The following INSC variants were observed in gnomAD, a reference collection of about 807,000 sequenced individuals.
INSC encodes the protein protein inscuteable homolog.
Under a neutral mutation model 58.6 loss-of-function variants are expected in INSC, and 67 were observed. The ratio of observed to expected loss-of-function variants is 1.14; its 90% confidence interval spans 0.94 to 1.40. The LOEUF (loss-of-function observed/expected upper bound fraction) is 1.40, where lower values mean the gene tolerates loss of function less well. Ranked by LOEUF, INSC falls within the 40% of genes most tolerant of loss-of-function variation. The pLI, the probability that INSC is intolerant of heterozygous loss-of-function variation, is 0.00. For missense variants in INSC, 714 were observed against 692.0 expected (o/e 1.03, Z -0.36); for synonymous variants, 262 against 276.1 (o/e 0.95, Z 0.51).
At chr11:15,205,094 C>T (rs1564902270) in intron 7 of INSC, among the ~76,000 whole-genome samples, 1 of 152,184 alleles carries the variant, frequency 6.6e-6, no homozygotes. Context: ...GCCAGTCAGT[C>T]ATTCACTTAC....
At chr11:15,172,563 A>AG (rs1849436970) in intron 2 of INSC, among the ~76,000 whole-genome samples, 1 of 152,208 alleles carries the variant, frequency 6.6e-6, no homozygotes, top group Non-Finnish European at 1.5e-5. Flanking sequence ...AGAGGCCCTG[A>AG]GGGGGAACTC....
intron 1 of INSC, among the ~76,000 whole-genome samples, chr11:15,138,024 C>T (rs1394992658): frequency 2.0e-5 from 3 of 152,112 alleles, no homozygotes; most frequent in Non-Finnish European, 4.4e-5. Context: ...GGGTTTGTAA[C>T]TGGCCAGATT....
At chr11:15,118,388 A>G (rs543526497) in intron 1 of INSC, among the ~76,000 whole-genome samples, 2 of 152,348 alleles carry the variant, frequency 1.3e-5, no homozygotes, top group Admixed American at 6.5e-5. Context: ...ATGTTTGGAA[A>G]GGAGAAAGCT....
Position 15,240,503 on chromosome 11 carries a change from G to C in INSC, c.1450G>C (p.Ala484Pro). The C allele has an allele frequency of 6.2e-7, 1 of 1,613,656 alleles. No homozygotes were observed. The highest frequency in any genetic ancestry group is 8.5e-7 in the Non-Finnish European group (1 of 1,179,852). ...RSPSERNSSD[A>P]VLVACLAALR... ...CCCATCAGAGAGGAACAGCAGTGAC[G>C]CCGTGCTTGTGGCCTGCCTGGTGAG... The change falls in exon 12 of 13, where the codon GCC becomes CCC. Residue 484 changes from alanine to proline, a missense_variant. Physicochemically the swap from Ala to Pro is conservative, Grantham distance 27. Transcript: ENST00000379556.
At chr11:15,232,817 C>T (rs1167181237) in intron 9 of INSC, among the ~76,000 whole-genome samples, 1 of 152,104 alleles carries the variant, frequency 6.6e-6, no homozygotes, top group Admixed American at 6.5e-5. Context: ...GATATACTCC[C>T]CTGAGCCAAA....
chr11:15,148,403 G>C (rs1848548328), intron 1 of INSC, among the ~76,000 whole-genome samples: 2 of 152,182 alleles, frequency 1.3e-5, no homozygotes, highest in Admixed American at 1.3e-4. Flanking sequence ...TTGCAAGATG[G>C]TCTGTAGCAA....
upstream of INSC, chr11:15,112,701 C>T (rs1237795916): frequency 3.5e-6 from 2 of 569,886 alleles, no homozygotes; most frequent in South Asian, 7.7e-5. Context: ...CAAACCAAGT[C>T]TGTTCCTCTC....
At position 15,232,664 on chromosome 11, in the gene INSC, C is replaced by G. The variant is rs183477524; in HGVS notation, c.1171-2938C>G. Among the ~76,000 whole-genome samples, 3 of 152,040 alleles carry G rather than the reference C, an allele frequency of 2.0e-5. No homozygotes were observed. The East Asian group carries it at 5.8e-4, about 29-fold the overall frequency. Reference sequence around the variant, plus strand: ...TATAGCGACACGGGTTTTCTAGATGCGATTGAGTTAAGATCTTGACATAGG... The same window carrying G: ...TATAGCGACACGGGTTTTCTAGATGGGATTGAGTTAAGATCTTGACATAGG... On this transcript the variant is annotated intron_variant, in intron 9 of 12. Coordinates refer to ENST00000379556, the MANE Select transcript of INSC (RefSeq NM_001042536.3).
intron 2 of INSC, among the ~76,000 whole-genome samples, chr11:15,158,674 C>A (rs900880038): frequency 1.3e-5 from 2 of 149,358 alleles, no homozygotes; most frequent in African/African-American, 4.9e-5. Flanking sequence ...ATTTACTCAC[C>A]ATGTGACCTC....
downstream of INSC, among the ~76,000 whole-genome samples, chr11:15,251,976 A>G (rs1852655204): frequency 6.6e-6 from 1 of 152,236 alleles, no homozygotes; most frequent in South Asian, 2.1e-4. Context: ...AAGTAGAAAC[A>G]ACTCAAATGT....
At chr11:15,258,545 C>T in the INSC span, among the ~76,000 whole-genome samples, 3 of 152,180 alleles carry the variant, frequency 2.0e-5, no homozygotes, top group Non-Finnish European at 2.9e-5. Context: ...GAAGCTAAAG[C>T]TCCTACAATA....
Position 15,178,344 on chromosome 11 carries a change from A to C in INSC, c.476A>C (p.Glu159Ala), listed in dbSNP as rs746735120. 11 of 1,613,964 alleles carry C rather than the reference A, an allele frequency of 6.8e-6. No individual in the cohort carries two copies. The highest frequency in any genetic ancestry group is 9.3e-6 in the Non-Finnish European group (11 of 1,180,022). ...TTCAGGTGCCTTCAGGTTGAGAATG[A>C]GCATGTCCTGAAGTCAATGAAGGCC... ...VTERCLQVEN[E>A]HVLKSMKACV... Residue 159 changes from glutamate to alanine, a missense_variant, in exon 5 of 13, where the codon GAG becomes GCG. Coordinates refer to ENST00000379556, the MANE Select transcript of INSC (RefSeq NM_001042536.3).
chr11:15,190,653 G>A (rs1257848802), intron 5 of INSC, 48 bp from the exon 6 acceptor site: 1 of 1,266,326 alleles, frequency 7.9e-7, no homozygotes, highest in East Asian at 2.3e-5. Flanking sequence ...ATGAGCAGAG[G>A]GTAGAGGTGG....
chr11:15,128,340 TC>T (rs751264768), intron 1 of INSC, among the ~76,000 whole-genome samples: 5 of 152,158 alleles, frequency 3.3e-5, no homozygotes, highest in Admixed American at 6.5e-5. Context: ...CCTAACAAAA[TC>T]CCTCCTATTT....
chr11:15,244,869 A>G (rs1852499872), intron 12 of INSC, among the ~76,000 whole-genome samples: 1 of 152,132 alleles, frequency 6.6e-6, no homozygotes, highest in Non-Finnish European at 1.5e-5. Context: ...GGAAGAAATT[A>G]ATATTTATCA....
chr11:15,240,082 C>T (rs1852285302), intron 11 of INSC, among the ~76,000 whole-genome samples: 1 of 152,140 alleles, frequency 6.6e-6, no homozygotes, highest in South Asian at 2.1e-4. Flanking sequence ...ATTCACTTAA[C>T]TCTCCTCAGT....
intron 2 of INSC, among the ~76,000 whole-genome samples, chr11:15,172,667 G>C (rs1434751268): frequency 6.6e-6 from 1 of 152,184 alleles, no homozygotes; most frequent in East Asian, 1.9e-4. Context: ...GAAGAAAAGA[G>C]GTTTCTAATC....
chr11:15,266,956 A>T, the INSC span, among the ~76,000 whole-genome samples: 1 of 151,952 alleles, frequency 6.6e-6, no homozygotes, highest in South Asian at 2.1e-4. Flanking sequence ...AATAGAAGCT[A>T]TTATTGCATG....
chr11:15,162,999 C>G lies in INSC; in HGVS notation c.57-12742C>G, dbSNP rs548674515. Among the ~76,000 whole-genome samples, 3 of 152,326 alleles carry G rather than the reference C, an allele frequency of 2.0e-5. No individual in the cohort carries two copies. The East Asian group carries it at 5.8e-4, about 29-fold the overall frequency. On this transcript the variant is annotated intron_variant, in intron 2 of 12. Coordinates refer to ENST00000379556, the MANE Select transcript of INSC (RefSeq NM_001042536.3). ...TGGTTCTCATCTCTTCACTCTCTCT[C>G]ATTCATCATCTATATGAATCAGTGT... is the stretch of plus-strand genomic sequence containing the variant.
Sources: allele counts gnomAD v4.1 joint callset (sites outside exome capture counted in the v4.1 genomes callset), GRCh38; gene constraint gnomAD v4.1.1; transcripts MANE v1.5; gene names NCBI Gene and HGNC (gene_info 2026-07-23, HGNC 2026-07-21).